AOC2: variants seen among roughly 807,000 people sequenced by gnomAD.
AOC2 encodes amine oxidase copper containing 2.
In AOC2, 57 loss-of-function variants were observed where a neutral mutation model predicts 53.8. That is an observed-to-expected ratio of 1.06 (90% CI 0.86 to 1.32). The LOEUF (loss-of-function observed/expected upper bound fraction) is 1.32. Ranked by LOEUF, AOC2 falls within the 40% of genes most tolerant of loss-of-function variation. The probability of loss-of-function intolerance (pLI) is 0.00; values close to 1 mark genes in which losing one functional copy is unlikely to be tolerated. For missense variants in AOC2, 1,008 were observed against 957.2 expected (o/e 1.05, Z -0.70); for synonymous variants, 404 against 399.0 (o/e 1.01, Z -0.15).
Position 42,845,229 on chromosome 17 carries a change from C to T in AOC2, c.603C>T (p.Thr201=), listed in dbSNP as rs1437086120. 6.2e-7 allele frequency: 1 copy of T among 1,614,062 alleles called. No homozygotes were observed. Residue 201 remains threonine, a synonymous_variant, in exon 1 of 4, where the codon ACC becomes ACT. Coordinates refer to ENST00000253799, the MANE Select transcript of AOC2 (RefSeq NM_009590.4). ...LSSTFNYNGS[T]LAAVHATPRG... The stretch of plus-strand genomic sequence containing the variant: ...CCACCTTCAACTACAATGGCTCTAC[C>T]CTGGCAGCTGTGCATGCCACCCCTC...
intron 1 of AOC2, among the ~76,000 whole-genome samples, chr17:42,848,811 A>C (rs1414521570): frequency 6.6e-6 from 1 of 151,958 alleles, no homozygotes; most frequent in Non-Finnish European, 1.5e-5. Flanking sequence ...TCAGCCTCCC[A>C]AAGTGCTGGG....
rs1027909639 is a variant in AOC2, at chr17:42,844,903, T to A, written c.277T>A (p.Phe93Ile). Reference protein sequence around the residue: ...AQAQPSDNCIFSVELQLPPKA... With the variant: ...AQAQPSDNCIISVELQLPPKA... ...GGCTCAGCCCTCGGACAACTGCATC[T>A]TCTCAGTGGAGCTGCAGCTGCCCCC... Residue 93 changes from phenylalanine to isoleucine, a missense_variant, in exon 1 of 4, where the codon TTC (phenylalanine) becomes ATC (isoleucine). By Grantham distance (21) the Phe-to-Ile change is conservative. Coordinates refer to ENST00000253799, the MANE Select transcript of AOC2 (RefSeq NM_009590.4). The A allele has an allele frequency of 6.2e-7, 1 of 1,612,912 alleles. No homozygotes were observed. Among genetic ancestry groups the A allele is most frequent in the East Asian group, 2.2e-5 (1 of 44,848 alleles).
chr17:42,849,772 A>G, intron 3 of AOC2, 42 bp downstream of exon 3: 2 of 1,612,920 alleles, frequency 1.2e-6, no homozygotes, highest in East Asian at 2.2e-5. Context: ...ACCTGTGGGC[A>G]TGGCATCTTG....
intron 3 of AOC2, 111 bp from the exon 4 acceptor site, chr17:42,849,971 G>A: frequency 2.1e-6 from 3 of 1,454,472 alleles, no homozygotes; most frequent in South Asian, 1.3e-5. Flanking sequence ...GTATGGGCAT[G>A]AGGCTGGGGA....
intron 1 of AOC2, among the ~76,000 whole-genome samples, chr17:42,848,788 T>C (rs1447871971): frequency 4.6e-5 from 7 of 151,912 alleles, no homozygotes; most frequent in Non-Finnish European, 1.0e-4. Flanking sequence ...TGGGCTCACA[T>C]GATCCACCCG....
rs781390966 is a variant in AOC2, at chr17:42,846,192, C to G, written c.1566C>G (p.Phe522Leu). Residue 522 changes from phenylalanine to leucine, a missense_variant, in exon 1 of 4, where the codon TTC (phenylalanine) becomes TTG (leucine). Phe to Leu is a conservative substitution (Grantham distance 22). Coordinates refer to ENST00000253799, the MANE Select transcript of AOC2 (RefSeq NM_009590.4). ...LGTVHTHAFH[F>L]KLDLDVAGLK... ...CGGTGCACACACATGCCTTCCACTT[C>G]AAGCTGGACCTGGATGTGGCAGGTG... The G allele has an allele frequency of 6.6e-7, 1 of 1,521,380 alleles. No homozygotes were observed. The highest frequency in any genetic ancestry group is 2.1e-5 in the Admixed American group (1 of 46,828). 94.2% of individuals were successfully genotyped at this position (1,521,380 alleles called of 1,614,324 possible). A position where few individuals can be genotyped will look rare whatever the true frequency, so the allele number is the denominator to read the frequency against.
At chr17:42,849,758 GGACACCTGTGGGCAT>G in intron 3 of AOC2, 28 bp downstream of exon 3, 2 of 1,613,904 alleles carry the variant, frequency 1.2e-6, no homozygotes, top group Non-Finnish European at 1.7e-6. Flanking sequence ...CATAGGAAAG[GGACACCTGTGGGCAT>G]GGCATCTTGG....
At position 42,848,548 on chromosome 17, in the gene AOC2, T is replaced by TATATATAC. The variant is rs1555552843; in HGVS notation, c.1589-531_1589-530insCATATATA. The stretch of plus-strand genomic sequence containing the variant: ...GAATATATATATATATATATATACA[T>TATATATAC]ATATATATATATATATATTTTAGAC... On this transcript the variant is annotated intron_variant, in intron 1 of 3. Transcript: ENST00000253799. Among the ~76,000 whole-genome samples, 139 of 131,054 alleles carry TATATATAC rather than the reference T, an allele frequency of 1.1e-3. 1 individual carries two copies. The highest frequency in any genetic ancestry group is 4.0e-3 in the African/African-American group (131 of 32,868). The allele number at this position is 131,054 out of a possible 152,430, so 86.0% of individuals were successfully genotyped here. A position where few individuals can be genotyped will look rare whatever the true frequency, so the allele number is the denominator to read the frequency against.
At chr17:42,848,605 C>G (rs1377238016) in intron 1 of AOC2, among the ~76,000 whole-genome samples, 1 of 147,706 alleles carries the variant, frequency 6.8e-6, no homozygotes, top group Non-Finnish European at 1.5e-5. Context: ...GGCTAGAGTG[C>G]AGTGGTGTGA....
intron 1 of AOC2, among the ~76,000 whole-genome samples, chr17:42,848,197 C>T (rs1051372033): frequency 1.5e-4 from 22 of 151,526 alleles, no homozygotes; most frequent in East Asian, 3.9e-4. Context: ...CTGCCACACC[C>T]GGCTCAGGAG....
At position 42,849,707 on chromosome 17, in the gene AOC2, A is replaced by C; in HGVS notation, c.1981A>C (p.Asn661His). 5 of 1,614,228 alleles carry C rather than the reference A, an allele frequency of 3.1e-6. No individual in the cohort carries two copies. The highest frequency in any genetic ancestry group is 4.2e-6 in the Non-Finnish European group (5 of 1,180,050). Reference sequence around the variant, plus strand: ...CACAGTTACCTTTGCTGACTTCATCAACAATGAAACCCTCTTAGGAGAGGT... The same window carrying C: ...CACAGTTACCTTTGCTGACTTCATCCACAATGAAACCCTCTTAGGAGAGGT... ...TPTVTFADFI[N>H]NETLLGEDLV... is the part of the protein sequence containing the mutation. Residue 661 changes from asparagine (N) to histidine (H), a missense_variant, in exon 3 of 4, where the codon AAC becomes CAC. By Grantham distance (68) the Asn-to-His change is moderately conservative. Transcript: ENST00000253799.
chr17:42,849,460 A>G, intron 2 of AOC2, 89 bp downstream of exon 2: 1 of 1,576,714 alleles, frequency 6.3e-7, no homozygotes, highest in Non-Finnish European at 8.6e-7. Context: ...CACGGCTACC[A>G]TTCATCCCTG....
Position 42,845,364 on chromosome 17 carries a change from G to C in AOC2, c.738G>C (p.Arg246Ser). ...GGCTGGAGCTACTACTGGACCACAG[G>C]GCCCTGGACCCTGCCCACTGGACTG... The part of the protein sequence containing the change: ...PVGLELLLDH[R>S]ALDPAHWTVQ... Residue 246 changes from arginine (R) to serine (S), a missense_variant, in exon 1 of 4, where the codon AGG becomes AGC. Arg to Ser is a moderately radical substitution (Grantham distance 110). Coordinates refer to ENST00000253799, the MANE Select transcript of AOC2 (RefSeq NM_009590.4). The C allele has an allele frequency of 3.7e-6, 6 of 1,614,166 alleles. No homozygotes were observed. Among genetic ancestry groups the C allele is most frequent in the Non-Finnish European group, 5.1e-6 (6 of 1,180,022 alleles).
At position 42,849,634 on chromosome 17, in the gene AOC2, G is replaced by T. The variant is rs370899660; in HGVS notation, c.1908G>T (p.Glu636Asp). Residue 636 changes from glutamate to aspartate, a missense_variant, in exon 3 of 4, where the codon GAG (glutamate) becomes GAT (aspartate). Coordinates refer to ENST00000253799, the MANE Select transcript of AOC2 (RefSeq NM_009590.4). ...TTGTGGTGACCCAGAGAAAGGAGGA[G>T]GAGTCACAGAGCAGTAGCATCTATC... ...YQLVVTQRKE[E>D]ESQSSSIYHQ... 1 of 1,614,214 alleles carries T rather than the reference G, an allele frequency of 6.2e-7. No homozygotes were observed. Among genetic ancestry groups the T allele is most frequent in the Non-Finnish European group, 8.5e-7 (1 of 1,180,038 alleles).
In AOC2 at chr17:42,844,757, C is replaced by A; in HGVS notation, c.131C>A (p.Ala44Asp). 2.5e-6 allele frequency: 4 copies of A among 1,614,242 alleles called. No individual in the cohort carries two copies. Among genetic ancestry groups the A allele is most frequent in the Non-Finnish European group, 3.4e-6 (4 of 1,180,046 alleles). ...PPHCPSVSHRAQPWPHPGQSQ... is the reference protein window; with the variant it reads ...PPHCPSVSHRDQPWPHPGQSQ... Reference sequence around the variant, plus strand: ...CACTGCCCCTCTGTATCCCATAGGGCCCAGCCCTGGCCACACCCTGGCCAG... The same window carrying A: ...CACTGCCCCTCTGTATCCCATAGGGACCAGCCCTGGCCACACCCTGGCCAG... The change falls in exon 1 of 4, where the codon GCC becomes GAC. Residue 44 changes from alanine (A) to aspartate (D), a missense_variant. By Grantham distance (126) the Ala-to-Asp change is moderately radical (BLOSUM62 -2). Coordinates refer to ENST00000253799, the MANE Select transcript of AOC2 (RefSeq NM_009590.4).
rs923695441 is a variant in AOC2 at position 42,845,665 on chromosome 17, C to T, written c.1039C>T (p.Arg347Trp). Reference protein sequence around the residue: ...VFSGLRIFDVRFQGERIAYEV... With the variant: ...VFSGLRIFDVWFQGERIAYEV... Reference sequence around the variant, plus strand: ...CAGCGGCCTGAGGATTTTTGATGTTCGGTTCCAGGGTGAGCGAATAGCCTA... The same window carrying T: ...CAGCGGCCTGAGGATTTTTGATGTTTGGTTCCAGGGTGAGCGAATAGCCTA... Residue 347 changes from arginine to tryptophan, a missense_variant, in exon 1 of 4, where the codon CGG (arginine) becomes TGG (tryptophan). Arg to Trp is a moderately radical substitution (Grantham distance 101). Coordinates refer to ENST00000253799, the MANE Select transcript of AOC2 (RefSeq NM_009590.4). 3.1e-6 allele frequency: 5 copies of T among 1,614,016 alleles called. No homozygotes were observed. The highest frequency in any genetic ancestry group is 2.7e-5 in the African/African-American group (2 of 74,898).
In AOC2 at chr17:42,850,280, G is replaced by C. The variant is rs1353920619; in HGVS notation, c.2203G>C (p.Val735Leu). The change falls in exon 4 of 4, where the codon GTG (valine) becomes CTG (leucine). Residue 735 changes from valine (V) to leucine (L), a missense_variant. Physicochemically the swap from Val to Leu is conservative, Grantham distance 32. Coordinates refer to ENST00000253799, the MANE Select transcript of AOC2 (RefSeq NM_009590.4). ...TGCTGGGCTCTGCAGCATCAATCCT[G>C]TGGCCTGCCTCCCCGACCTGGCAGC... The part of the protein sequence containing the change: ...QDAGLCSINP[V>L]ACLPDLAACV... The C allele has an allele frequency of 1.2e-6, 2 of 1,613,766 alleles. No homozygotes were observed. Among genetic ancestry groups the C allele is most frequent in the Non-Finnish European group, 1.7e-6 (2 of 1,179,804 alleles).
Position 42,846,151 on chromosome 17 carries a change from G to C in AOC2, c.1525G>C (p.Glu509Gln). Reference sequence around the variant, plus strand: ...CCTCCTCTTTGGGAACCGTGTGGGGGAAAGAGTGCTGGGAACGGTGCACAC... The same window carrying C: ...CCTCCTCTTTGGGAACCGTGTGGGGCAAAGAGTGCTGGGAACGGTGCACAC... The part of the protein sequence containing the change: ...EGLLFGNRVG[E>Q]RVLGTVHTHA... The change falls in exon 1 of 4, where the codon GAA (glutamate) becomes CAA (glutamine). Residue 509 changes from glutamate (E) to glutamine (Q), a missense_variant. Physicochemically the swap from Glu to Gln is conservative, Grantham distance 29 (BLOSUM62 2). Transcript: ENST00000253799. The C allele has an allele frequency of 6.4e-7, 1 of 1,557,982 alleles. No individual in the cohort carries two copies. Among genetic ancestry groups the C allele is most frequent in the Non-Finnish European group, 8.7e-7 (1 of 1,151,018 alleles).
In AOC2 at chr17:42,850,062, GCTC is replaced by G. The variant is rs754034436; in HGVS notation, c.2005-14_2005-12del. 27 of 1,609,816 alleles carry G rather than the reference GCTC, an allele frequency of 1.7e-5. No individual in the cohort carries two copies. Among genetic ancestry groups the G allele is most frequent in the African/African-American group, 2.7e-5 (2 of 74,856 alleles). On this transcript the variant is annotated splice_polypyrimidine_tract_variant and intron_variant, in intron 3 of 3. Coordinates refer to ENST00000253799, the MANE Select transcript of AOC2 (RefSeq NM_009590.4). ...TGGGTCACGCTTCCATAGTCCTCCA[GCTC>G]CTCCTTCTTCTTGCAGGATCTGGTG...
Sources: gnomAD v4.1 joint callset for allele counts (sites outside exome capture counted in the v4.1 genomes callset) on GRCh38, gnomAD v4.1.1 for gene constraint, MANE v1.5 for transcripts, NCBI Gene and HGNC (gene_info 2026-07-23, HGNC 2026-07-21) for gene names.